Variants in NUP155 observed in about 807,000 individuals in gnomAD.
NUP155 encodes the protein nuclear pore complex protein Nup155.
A neutral mutation model predicts 180.4 loss-of-function variants in NUP155; 71 were observed. The observed-to-expected ratio is 0.39, with a 90% CI of 0.33 to 0.48. The LOEUF is 0.48. Among genes scored for constraint, NUP155 ranks in the 20% least tolerant of loss-of-function variants. The pLI, the probability that NUP155 is intolerant of heterozygous loss-of-function variation, is 0.91. For synonymous variants in NUP155, 582 were observed against 559.5 expected, an observed-to-expected ratio of 1.04 and a Z score of -0.57; for missense variants, 1,553 against 1,648.9, an observed-to-expected ratio of 0.94 and a Z score of 1.01.
chr5:37,359,148 T>C (rs1747038856), intron 3 of NUP155, among the ~76,000 whole-genome samples: 2 of 149,444 alleles, frequency 1.3e-5, no homozygotes, highest in Non-Finnish European at 3.0e-5. Flanking sequence ...AATTTATATA[T>C]ATATATAACT....
At chr5:37,301,604 C>T (rs938211235) in intron 29 of NUP155, 54 bp from the exon 30 acceptor site, 17 of 1,084,120 alleles carry the variant, frequency 1.6e-5, no homozygotes, top group East Asian at 1.2e-4. Context: ...AATCAACATA[C>T]GTTTGAAAGA....
At chr5:37,294,538 C>A (rs1742416466) in intron 32 of NUP155, 73 bp from the exon 33 acceptor site, 5 of 1,424,660 alleles carry the variant, frequency 3.5e-6, no homozygotes, top group Non-Finnish European at 4.9e-6. Flanking sequence ...TTATTCATAA[C>A]TGAATAGTTT....
intron 12 of NUP155, 28 bp from the exon 13 acceptor site, chr5:37,333,661 C>A (rs774576055): frequency 2.5e-6 from 4 of 1,579,294 alleles, no homozygotes; most frequent in Non-Finnish European, 3.5e-6. Flanking sequence ...ATGTTTTATA[C>A]ATCATATTGA....
chr5:37,351,397 CCA>C, intron 5 of NUP155, 41 bp from the exon 6 acceptor site: 3 of 1,388,978 alleles, frequency 2.2e-6, no homozygotes, highest in South Asian at 1.2e-5. Flanking sequence ...ATTAGCTACT[CCA>C]CAGTTTTTAA....
intron 11 of NUP155, among the ~76,000 whole-genome samples, chr5:37,339,632 C>T (rs899942795): frequency 6.6e-6 from 1 of 152,060 alleles, no homozygotes; most frequent in Non-Finnish European, 1.5e-5. Flanking sequence ...TTCCTCCCCA[C>T]CCTCAAATGA....
intron 20 of NUP155, among the ~76,000 whole-genome samples, chr5:37,320,249 G>A (rs565626620): frequency 6.6e-6 from 1 of 152,152 alleles, no homozygotes; most frequent in African/African-American, 2.4e-5. Context: ...AGGCTGAGGC[G>A]GGTGGATAAC....
At chr5:37,320,063 T>C (rs1167653073) in intron 20 of NUP155, among the ~76,000 whole-genome samples, 1 of 152,016 alleles carries the variant, frequency 6.6e-6, no homozygotes, top group Non-Finnish European at 1.5e-5. Flanking sequence ...CACATGCCTG[T>C]AGCCCCAGCT....
chr5:37,323,134 A>G (rs1414773512), intron 20 of NUP155, among the ~76,000 whole-genome samples: 3 of 150,918 alleles, frequency 2.0e-5, no homozygotes, highest in Non-Finnish European at 4.4e-5. Context: ...TACAAAGAAG[A>G]ATTAGCTGGG....
chr5:37,325,681 A>G (rs529358191), intron 19 of NUP155, among the ~76,000 whole-genome samples: 4 of 146,912 alleles, frequency 2.7e-5, no homozygotes, highest in Admixed American at 1.4e-4. Context: ...AGGTGGGAGG[A>G]TCGCTTGACC....
chr5:37,361,512 G>A (rs917185622), intron 3 of NUP155, among the ~76,000 whole-genome samples: 2 of 152,242 alleles, frequency 1.3e-5, no homozygotes, highest in South Asian at 2.1e-4. Context: ...CAACTTATGC[G>A]GACTAGGATT....
chr5:37,304,639 G>A (rs1743052783), intron 27 of NUP155, 100 bp downstream of exon 27: 4 of 837,632 alleles, frequency 4.8e-6, no homozygotes, highest in Non-Finnish European at 8.0e-6. Context: ...TAGCAGGCAT[G>A]GGATGAGAAA....
At chr5:37,317,660 T>A (rs555713372) in intron 21 of NUP155, among the ~76,000 whole-genome samples, 1 of 149,870 alleles carries the variant, frequency 6.7e-6, no homozygotes, top group Admixed American at 6.8e-5. Flanking sequence ...CATATTAATA[T>A]CCATATTATC....
intron 19 of NUP155, among the ~76,000 whole-genome samples, chr5:37,325,336 G>A (rs1478084698): frequency 1.3e-5 from 2 of 152,008 alleles, no homozygotes; most frequent in African/African-American, 4.8e-5. Flanking sequence ...GATATACTAC[G>A]CCCCTTCTTT....
chr5:37,371,104 G>A lies in NUP155; in HGVS notation c.-127C>T. On this transcript the variant is annotated 5_prime_UTR_variant, in exon 1 of 35. Transcript: ENST00000231498. ...CGCCAAACGAGCGCCTTGGCGCCTC[G>A]ACATGACGCACTTCCGCTTCATCCG... The A allele has an allele frequency of 5.6e-6, 5 of 884,990 alleles. No individual in the cohort carries two copies. Among genetic ancestry groups the A allele is most frequent in the Admixed American group, 4.5e-5 (2 of 44,672 alleles). The allele number at this position is 884,990 out of a possible 1,614,324, so 54.8% of individuals were successfully genotyped here.
chr5:37,295,171 CGAG>C (rs1357415281), intron 32 of NUP155, among the ~76,000 whole-genome samples: 10 of 152,156 alleles, frequency 6.6e-5, no homozygotes, highest in Admixed American at 6.6e-4. Flanking sequence ...CTCAGCCTGC[CGAG>C]TGCCTGCGAT....
At chr5:37,343,626 C>T (rs1238032109) in intron 9 of NUP155, among the ~76,000 whole-genome samples, 1 of 152,058 alleles carries the variant, frequency 6.6e-6, no homozygotes, top group Non-Finnish European at 1.5e-5. Flanking sequence ...TGCAGTGACT[C>T]ACGCCTGTAA....
intron 15 of NUP155, 47 bp from the exon 16 acceptor site, chr5:37,329,325 C>T (rs1744807978): frequency 3.4e-6 from 5 of 1,472,262 alleles, no homozygotes; most frequent in Admixed American, 1.7e-5. Flanking sequence ...AACAAACCAT[C>T]CATCTTAAAA....
At chr5:37,330,014 T>C (rs1561789633) in intron 15 of NUP155, 24 bp downstream of exon 15, 4 of 1,534,140 alleles carry the variant, frequency 2.6e-6, no homozygotes, top group Admixed American at 3.4e-5. Context: ...AACAAATAAA[T>C]AAACAAGAAA....
chr5:37,302,383 C>T (rs1742911093), intron 29 of NUP155, among the ~76,000 whole-genome samples: 1 of 151,894 alleles, frequency 6.6e-6, no homozygotes, highest in African/African-American at 2.4e-5. Flanking sequence ...CAGGTGTGTG[C>T]CACCACCCCC....
Sources: gnomAD v4.1 joint callset for allele counts (sites outside exome capture counted in the v4.1 genomes callset) on GRCh38, gnomAD v4.1.1 for gene constraint, MANE v1.5 for transcripts, NCBI Gene and HGNC (gene_info 2026-07-23, HGNC 2026-07-21) for gene names.